Variants in TRDN observed in about 807,000 individuals in gnomAD.
TRDN encodes the protein triadin in skeletal muscle.
A neutral mutation model predicts 149.7 loss-of-function variants in TRDN; 161 were observed. The observed-to-expected ratio is 1.08, with a 90% CI of 0.95 to 1.23. The LOEUF is 1.23. TRDN is among the 50% of genes most tolerant of loss of function. The pLI, the probability that TRDN is intolerant of heterozygous loss-of-function variation, is 0.00. For missense variants in TRDN, 896 were observed against 823.5 expected, an observed-to-expected ratio of 1.09 and a Z score of -1.08; for synonymous variants, 294 against 250.5, an observed-to-expected ratio of 1.17 and a Z score of -1.64.
At chr6:123,281,068 C>T (rs984546746) in intron 24 of TRDN, among the ~76,000 whole-genome samples, 8 of 151,962 alleles carry the variant, frequency 5.3e-5, no homozygotes, top group African/African-American at 1.9e-4. Flanking sequence ...GTTACAGTTA[C>T]TGCATAGTTT....
chr6:123,281,567 T>G (rs1777584912), intron 24 of TRDN, among the ~76,000 whole-genome samples: 1 of 152,076 alleles, frequency 6.6e-6, no homozygotes, highest in Admixed American at 6.6e-5. Context: ...ATCTAACACA[T>G]GTATTGACAC....
At chr6:123,351,484 G>A in intron 21 of TRDN, 1 of 983,634 alleles carries the variant, frequency 1.0e-6, no homozygotes, top group Non-Finnish European at 1.2e-6. Context: ...CTACTGAACT[G>A]TAAAATTTCA....
At chr6:123,517,262 G>A (rs952587569) in intron 5 of TRDN, among the ~76,000 whole-genome samples, 4 of 152,128 alleles carry the variant, frequency 2.6e-5, no homozygotes, top group Admixed American at 6.6e-5. Context: ...AATTAGCCTA[G>A]TAAGAGATTA....
intron 13 of TRDN, among the ~76,000 whole-genome samples, chr6:123,393,148 C>T (rs1437444653): frequency 6.6e-6 from 1 of 151,890 alleles, no homozygotes; most frequent in African/African-American, 2.4e-5. Flanking sequence ...TTAGATGGCT[C>T]ATAAAAATAG....
chr6:123,449,975 A>T (rs754048422), intron 10 of TRDN, among the ~76,000 whole-genome samples: 1 of 152,216 alleles, frequency 6.6e-6, no homozygotes, highest in Non-Finnish European at 1.5e-5. Flanking sequence ...ACTAAGCATC[A>T]TATATGAAGG....
intron 12 of TRDN, among the ~76,000 whole-genome samples, chr6:123,429,940 T>C (rs746835942): frequency 6.6e-6 from 1 of 152,166 alleles, no homozygotes; most frequent in Non-Finnish European, 1.5e-5. Context: ...CTTCTTTATA[T>C]GCATTTCAAT....
In TRDN at chr6:123,294,223, A is replaced by G. The variant is rs572823532; in HGVS notation, c.1511-15141T>C. Among the ~76,000 whole-genome samples the G allele has an allele frequency of 3.9e-5, 6 of 152,300 alleles. No individual in the cohort carries two copies. In the East Asian group the frequency reaches 9.7e-4, roughly 25 times the overall value. On this transcript the variant is annotated intron_variant, in intron 24 of 40. Coordinates refer to ENST00000334268, the MANE Select transcript of TRDN (RefSeq NM_006073.4). ...GATTAACATTCAAAAGGTCTATGAGAAAGCTACCTGGTTACATAGATATAA... is the reference window on the plus strand; with the variant it reads ...GATTAACATTCAAAAGGTCTATGAGGAAGCTACCTGGTTACATAGATATAA...
At chr6:123,327,662 T>C (rs1264165449) in intron 23 of TRDN, among the ~76,000 whole-genome samples, 3 of 152,128 alleles carry the variant, frequency 2.0e-5, no homozygotes, top group African/African-American at 4.8e-5. Context: ...ATGCTAAACA[T>C]TAATTTTCAT....
At chr6:123,504,273 C>T (rs1309897350) in intron 7 of TRDN, among the ~76,000 whole-genome samples, 1 of 151,984 alleles carries the variant, frequency 6.6e-6, no homozygotes, top group Non-Finnish European at 1.5e-5. Flanking sequence ...AGACAATTTC[C>T]ATACCAAACA....
At chr6:123,626,633 T>C (rs933673050) in intron 1 of TRDN, among the ~76,000 whole-genome samples, 9 of 152,156 alleles carry the variant, frequency 5.9e-5, no homozygotes, top group African/African-American at 1.9e-4. Context: ...AAAGTCATCA[T>C]GAGGGTTGGA....
chr6:123,443,597 C>G (rs982006989), intron 10 of TRDN, among the ~76,000 whole-genome samples: 3 of 152,054 alleles, frequency 2.0e-5, no homozygotes, highest in African/African-American at 7.3e-5. Context: ...TCGAGACCAT[C>G]CTGGCTAACA....
rs1283723794 is a variant in TRDN, at chr6:123,615,471, AATGTGTGTGTGT to A, written c.22+21271_22+21282del. Among the ~76,000 whole-genome samples, 5 of 151,970 alleles carry A rather than the reference AATGTGTGTGTGT, an allele frequency of 3.3e-5. No individual in the cohort carries two copies. The East Asian group carries it at 9.7e-4, about 29-fold the overall frequency. On this transcript the variant is annotated intron_variant, in intron 1 of 40. Coordinates refer to ENST00000334268, the MANE Select transcript of TRDN (RefSeq NM_006073.4). ...CTGTGTGTGTATATATGAATAATGG[AATGTGTGTGTGT>A]ATGTGTGTGTGTGTATATATATAAT...
At chr6:123,225,730 A>C (rs1270091596) in intron 38 of TRDN, among the ~76,000 whole-genome samples, 1 of 151,772 alleles carries the variant, frequency 6.6e-6, no homozygotes, top group Non-Finnish European at 1.5e-5. Flanking sequence ...ACTACATTTG[A>C]ACTAAAGCTC....
At chr6:123,298,588 C>T (rs1778291544) in intron 24 of TRDN, among the ~76,000 whole-genome samples, 1 of 152,080 alleles carries the variant, frequency 6.6e-6, no homozygotes. Flanking sequence ...CTGCAGCTAT[C>T]ATCTTTGTAT....
rs1252673540 is a variant in TRDN at position 123,279,096 on chromosome 6, A to G, written c.1511-14T>C. The G allele has an allele frequency of 6.2e-7, 1 of 1,602,362 alleles. No individual in the cohort carries two copies. The highest frequency in any genetic ancestry group is 8.5e-7 in the Non-Finnish European group (1 of 1,173,742). On this transcript the variant is annotated splice_polypyrimidine_tract_variant and intron_variant, in intron 24 of 40. Transcript: ENST00000334268. Reference sequence around the variant, plus strand: ...TGACTTCTTTGCCTAGAAAAAAGTAAAAAAATTATTAAAGGCTGAGTCATA... The same window carrying G: ...TGACTTCTTTGCCTAGAAAAAAGTAGAAAAATTATTAAAGGCTGAGTCATA...
intron 19 of TRDN, 98 bp downstream of exon 19, chr6:123,375,507 G>A (rs1781470955): frequency 4.1e-6 from 4 of 983,540 alleles, no homozygotes; most frequent in African/African-American, 1.7e-5. Context: ...AAGCTGGTAA[G>A]CCATTCTCAA....
chr6:123,465,278 T>A (rs1436229856), intron 9 of TRDN, among the ~76,000 whole-genome samples: 1 of 152,036 alleles, frequency 6.6e-6, no homozygotes, highest in Admixed American at 6.5e-5. Context: ...GTACTCAAAT[T>A]AAGCAATTTA....
At chr6:123,506,353 T>C (rs1156463243) in intron 7 of TRDN, among the ~76,000 whole-genome samples, 1 of 152,204 alleles carries the variant, frequency 6.6e-6, no homozygotes, top group Non-Finnish European at 1.5e-5. Flanking sequence ...AATTTATTCC[T>C]CTACTGGACT....
chr6:123,560,008 C>T (rs914304100), intron 2 of TRDN, among the ~76,000 whole-genome samples: 1 of 152,332 alleles, frequency 6.6e-6, no homozygotes, highest in South Asian at 2.1e-4. Flanking sequence ...CAGACAGACC[C>T]CATGACTTCA....
Sources: allele counts gnomAD v4.1 joint callset (sites outside exome capture counted in the v4.1 genomes callset), GRCh38; gene constraint gnomAD v4.1.1; transcripts MANE v1.5; gene names NCBI Gene and HGNC (gene_info 2026-07-23, HGNC 2026-07-21).